Variants in LHFPL3 observed in about 807,000 individuals in gnomAD.
LHFPL3 encodes LHFPL tetraspan subfamily member 3 protein.
LHFPL3 carries 5 observed loss-of-function variants against 19.3 expected under a neutral mutation model. The ratio of observed to expected loss-of-function variants is 0.26; its 90% CI spans 0.14 to 0.54. The LOEUF (loss-of-function observed/expected upper bound fraction) is 0.54. Ranked by LOEUF, LHFPL3 falls within the 20% of genes least tolerant of loss-of-function variation. The pLI, the probability that LHFPL3 is intolerant of heterozygous loss-of-function variation, is 0.94. For missense variants in LHFPL3, 249 were observed against 307.4 expected, an observed-to-expected ratio of 0.81 and a Z score of 1.42; for synonymous variants, 133 against 126.2, an observed-to-expected ratio of 1.05 and a Z score of -0.36.
At chr7:104,623,282 GA>G (rs377350300) in intron 1 of LHFPL3, among the ~76,000 whole-genome samples, 1,519 of 142,358 alleles carry the variant, frequency 0.011, 23 homozygotes, top group African/African-American at 0.033. Flanking sequence ...TGTACCATTT[GA>G]AAAAAAAAAA....
chr7:104,653,332 C>T (rs896548417), intron 1 of LHFPL3, among the ~76,000 whole-genome samples: 12 of 152,024 alleles, frequency 7.9e-5, no homozygotes, highest in Non-Finnish European at 1.6e-4. Flanking sequence ...TGGAAACATC[C>T]GGGAGAGAAG....
At chr7:104,561,338 A>G (rs548386017) in intron 1 of LHFPL3, among the ~76,000 whole-genome samples, 5 of 150,024 alleles carry the variant, frequency 3.3e-5, no homozygotes, top group Admixed American at 2.6e-4. Context: ...TAGGTCACTC[A>G]GGACTTGCTT....
At chr7:104,404,301 A>G (rs1791374810) in intron 1 of LHFPL3, among the ~76,000 whole-genome samples, 1 of 152,228 alleles carries the variant, frequency 6.6e-6, no homozygotes, top group Admixed American at 6.5e-5. Flanking sequence ...ATTGTTTAAA[A>G]ATTTGAAACT....
intron 2 of LHFPL3, among the ~76,000 whole-genome samples, chr7:104,839,479 C>A (rs2116582199): frequency 6.6e-6 from 1 of 152,164 alleles, no homozygotes; most frequent in Admixed American, 6.5e-5. Flanking sequence ...CCAGCCTGGC[C>A]AATATGGCAA....
chr7:104,333,366 C>T (rs1801605913), intron 1 of LHFPL3, among the ~76,000 whole-genome samples: 1 of 152,184 alleles, frequency 6.6e-6, no homozygotes, highest in South Asian at 2.1e-4. Flanking sequence ...TGGAAAGATA[C>T]TCGCTTTCAT....
chr7:104,849,694 G>C (rs1791378759), intron 2 of LHFPL3, among the ~76,000 whole-genome samples: 2 of 152,252 alleles, frequency 1.3e-5, no homozygotes, highest in Non-Finnish European at 2.9e-5. Context: ...AAAAAGGTTA[G>C]GATCTACTGC....
intron 1 of LHFPL3, among the ~76,000 whole-genome samples, chr7:104,679,497 T>G (rs537840416): frequency 7.2e-5 from 11 of 152,360 alleles, no homozygotes; most frequent in African/African-American, 2.6e-4. Context: ...GTGCACATAC[T>G]TTGTACCAAA....
chr7:104,426,488 T>G, intron 1 of LHFPL3, among the ~76,000 whole-genome samples: 1 of 152,148 alleles, frequency 6.6e-6, no homozygotes, highest in East Asian at 1.9e-4. Flanking sequence ...ACTTCCGGCC[T>G]CAGGTGATCT....
chr7:104,334,710 T>G (rs1789749632), intron 1 of LHFPL3, among the ~76,000 whole-genome samples: 1 of 152,208 alleles, frequency 6.6e-6, no homozygotes, highest in South Asian at 2.1e-4. Context: ...GACACCCTAA[T>G]TTGTGATGAG....
intron 1 of LHFPL3, among the ~76,000 whole-genome samples, chr7:104,619,690 T>A (rs1469870095): frequency 1.3e-5 from 2 of 152,176 alleles, no homozygotes; most frequent in African/African-American, 4.8e-5. Flanking sequence ...CAAGCAGTGT[T>A]CTCGATGGGG....
At chr7:104,851,558 C>G (rs180862465) in intron 2 of LHFPL3, among the ~76,000 whole-genome samples, 4 of 152,278 alleles carry the variant, frequency 2.6e-5, no homozygotes, top group East Asian at 3.9e-4. Context: ...ATTGGTCACC[C>G]TGGAAAAATT....
intron 1 of LHFPL3, among the ~76,000 whole-genome samples, chr7:104,552,516 TAGGGG>T (rs1794680098): frequency 6.6e-6 from 1 of 152,160 alleles, no homozygotes; most frequent in African/African-American, 2.4e-5. Flanking sequence ...TTAGATTTCC[TAGGGG>T]TGGGGTAAAA....
intron 1 of LHFPL3, among the ~76,000 whole-genome samples, chr7:104,735,570 G>A (rs918420074): frequency 6.6e-5 from 10 of 152,240 alleles, no homozygotes; most frequent in South Asian, 2.1e-4. Flanking sequence ...CTGGAAAAGC[G>A]CAGTATTAGG....
At chr7:104,398,786 T>A (rs916541888) in intron 1 of LHFPL3, among the ~76,000 whole-genome samples, 7 of 152,196 alleles carry the variant, frequency 4.6e-5, no homozygotes, top group African/African-American at 1.7e-4. Flanking sequence ...CTCACTCTTC[T>A]GTTCTTCGCT....
chr7:104,857,044 GCCTA>G (rs1166169103), intron 2 of LHFPL3, among the ~76,000 whole-genome samples: 1 of 152,168 alleles, frequency 6.6e-6, no homozygotes, highest in Non-Finnish European at 1.5e-5. Context: ...CAGGGTCTTT[GCCTA>G]TATTATCTCA....
intron 2 of LHFPL3, among the ~76,000 whole-genome samples, chr7:104,865,637 T>G (rs1347841955): frequency 6.6e-6 from 1 of 152,212 alleles, no homozygotes. Context: ...TGGAACCAAG[T>G]TGGAAAACAC....
rs1469107937 is a variant in LHFPL3 at position 104,601,911 on chromosome 7, C to G, written c.446-134764C>G. Among the ~76,000 whole-genome samples, 36 of 152,058 alleles carry G rather than the reference C, an allele frequency of 2.4e-4. 1 individual carries two copies. The highest frequency in any genetic ancestry group is 2.4e-3 in the Admixed American group (36 of 15,264). ...CCATCTTCAGCAAGGTGGGACCTAC[C>G]CAGACAGAGCCCCTGAATCACATGA... On this transcript the variant is annotated intron_variant, in intron 1 of 2. Coordinates refer to ENST00000424859, the MANE Select transcript of LHFPL3 (RefSeq NM_199000.3).
At chr7:104,808,751 C>T (rs1298383587) in intron 2 of LHFPL3, among the ~76,000 whole-genome samples, 1 of 152,100 alleles carries the variant, frequency 6.6e-6, no homozygotes, top group Non-Finnish European at 1.5e-5. Flanking sequence ...GTGAGTCTAA[C>T]AGGTAAATAA....
Position 104,372,997 on chromosome 7 carries a change from C to CA in LHFPL3, c.445+43784dup, listed in dbSNP as rs58010609. ...CAAAGTTTTCCTGAGAGCTTCTTTA[C>CA]AAAAAAAAAAAGCAGTTCCCTGGGC... On this transcript the variant is annotated intron_variant, in intron 1 of 2. Coordinates refer to ENST00000424859, the MANE Select transcript of LHFPL3 (RefSeq NM_199000.3). 8.7e-4 allele frequency among the ~76,000 whole-genome samples: 110 copies of CA among 126,398 alleles called. 5 individuals are homozygous for CA. Among genetic ancestry groups the CA allele is most frequent in the Middle Eastern group, 4.3e-3 (1 of 230 alleles). 82.9% of individuals were successfully genotyped at this position (126,398 alleles called of 152,430 possible). A position where few individuals can be genotyped will look rare whatever the true frequency, so the allele number is the denominator to read the frequency against.
Sources: gnomAD v4.1 joint callset for allele counts (sites outside exome capture counted in the v4.1 genomes callset) on GRCh38, gnomAD v4.1.1 for gene constraint, MANE v1.5 for transcripts, NCBI Gene and HGNC (gene_info 2026-07-23, HGNC 2026-07-21) for gene names.